The following CCND1 variants were observed in gnomAD, a reference collection of about 807,000 sequenced individuals.
The protein encoded by CCND1 is G1/S-specific cyclin-D1.
Under a neutral mutation model 26.1 loss-of-function variants are expected in CCND1, and 9 were observed. The ratio of observed to expected loss-of-function variants is 0.35; its 90% CI spans 0.21 to 0.60. The LOEUF (loss-of-function observed/expected upper bound fraction) is 0.60, where lower values mean the gene tolerates loss of function less well. Ranked by LOEUF, CCND1 falls within the 20% of genes least tolerant of loss-of-function variation. CCND1 has a pLI of 0.79. For synonymous variants in CCND1, 194 were observed against 166.1 expected, an observed-to-expected ratio of 1.17 and a Z score of -1.29; for missense variants, 335 against 392.9, an observed-to-expected ratio of 0.85 and a Z score of 1.25.
chr11:69,641,765 A>T (rs867270357), intron 1 of CCND1, among the ~76,000 whole-genome samples: 8 of 151,538 alleles, frequency 5.3e-5, no homozygotes, highest in Admixed American at 1.3e-4. Flanking sequence ...CTTCGGGAGA[A>T]GCCAGTGCCA....
Position 69,643,229 on chromosome 11 carries a change from C to G in CCND1, c.397C>G (p.Arg133Gly). ...KLCIYTDNSI[R>G]PEELLQMELL... ...GTGCATCTACACCGACAACTCCATC[C>G]GGCCCGAGGAGCTGCTGGTAACCAC... is the stretch of plus-strand genomic sequence containing the variant. Residue 133 changes from arginine to glycine, a missense_variant, in exon 2 of 5, where the codon CGG (arginine) becomes GGG (glycine). Coordinates refer to ENST00000227507, the MANE Select transcript of CCND1 (RefSeq NM_053056.3). The G allele has an allele frequency of 6.3e-7, 1 of 1,587,962 alleles. No individual in the cohort carries two copies. Among genetic ancestry groups the G allele is most frequent in the Non-Finnish European group, 8.6e-7 (1 of 1,168,146 alleles).
rs1855856810 is a variant in CCND1 at position 69,651,611 on chromosome 11, T to G, written c.*329T>G. Reference sequence around the variant, plus strand: ...AATAATCAACTCGTTTTTATATTAATGTACTTGTTTCTCTGTTGTAAGAAT... The same window carrying G: ...AATAATCAACTCGTTTTTATATTAAGGTACTTGTTTCTCTGTTGTAAGAAT... On this transcript the variant is annotated 3_prime_UTR_variant, in exon 5 of 5. Coordinates refer to ENST00000227507, the MANE Select transcript of CCND1 (RefSeq NM_053056.3). 3.6e-6 allele frequency: 1 copy of G among 274,438 alleles called. No individual in the cohort carries two copies. Among genetic ancestry groups the G allele is most frequent in the Non-Finnish European group, 6.8e-6 (1 of 146,904 alleles). The allele number at this position is 274,438 out of a possible 1,614,324, so 17.0% of individuals were successfully genotyped here.
intron 4 of CCND1, among the ~76,000 whole-genome samples, chr11:69,650,262 C>T (rs1565073481): frequency 6.6e-6 from 1 of 152,226 alleles, no homozygotes; most frequent in Admixed American, 6.5e-5. Flanking sequence ...ACACATGGAG[C>T]CGGTTCTCCA....
chr11:69,642,110 G>T (rs1352882501), intron 1 of CCND1, among the ~76,000 whole-genome samples: 2 of 152,096 alleles, frequency 1.3e-5, no homozygotes, highest in Non-Finnish European at 2.9e-5. Context: ...GCAGGGACGC[G>T]GCATGGGTAG....
intron 3 of CCND1, among the ~76,000 whole-genome samples, chr11:69,645,603 G>T (rs1211152556): frequency 6.6e-6 from 1 of 152,210 alleles, no homozygotes; most frequent in East Asian, 1.9e-4. Context: ...AAGTGCTCCG[G>T]GTCCTGACCC....
intron 4 of CCND1, among the ~76,000 whole-genome samples, chr11:69,650,014 G>A (rs559432129): frequency 3.9e-5 from 6 of 152,188 alleles, no homozygotes; most frequent in Non-Finnish European, 5.9e-5. Context: ...AGGTACAGGC[G>A]CTAAAATGTC....
intron 3 of CCND1, among the ~76,000 whole-genome samples, chr11:69,644,548 G>A (rs898504785): frequency 2.0e-5 from 3 of 152,198 alleles, no homozygotes; most frequent in Admixed American, 1.3e-4. Context: ...CAGGGGTGCC[G>A]GCAGCCAGCC....
At chr11:69,649,660 G>A (rs1420853551) in intron 4 of CCND1, among the ~76,000 whole-genome samples, 2 of 152,222 alleles carry the variant, frequency 1.3e-5, no homozygotes, top group African/African-American at 4.8e-5. Flanking sequence ...GGCTGTGGGA[G>A]AACAGCTTTG....
Position 69,642,815 on chromosome 11 carries a change from G to C in CCND1, c.199-216G>C, listed in dbSNP as rs577666782. On this transcript the variant is annotated intron_variant, in intron 1 of 4. Coordinates refer to ENST00000227507, the MANE Select transcript of CCND1 (RefSeq NM_053056.3). Reference sequence around the variant, plus strand: ...GCCCGCTCCCGCCCCCACCGTGCCAGCCTCGCGGGGACTTTCCCTTTCAGT... The same window carrying C: ...GCCCGCTCCCGCCCCCACCGTGCCACCCTCGCGGGGACTTTCCCTTTCAGT... Among the ~76,000 whole-genome samples, 403 of 150,982 alleles carry C rather than the reference G, an allele frequency of 2.7e-3. 2 individuals carry two copies. The highest frequency in any genetic ancestry group is 9.3e-3 in the African/African-American group (384 of 41,358).
At chr11:69,643,450 CT>C (rs1855737029) in intron 2 of CCND1, 2 of 482,406 alleles carry the variant, frequency 4.1e-6, no homozygotes, top group African/African-American at 4.1e-5. Context: ...GTGCGCTTGC[CT>C]GCGACTCCCA....
At chr11:69,649,722 G>T (rs1005234088) in intron 4 of CCND1, among the ~76,000 whole-genome samples, 2 of 152,178 alleles carry the variant, frequency 1.3e-5, no homozygotes, top group African/African-American at 2.4e-5. Context: ...ATGAAGGAAG[G>T]TCCTGGAGTC....
Position 69,648,096 on chromosome 11 carries a change from A to T in CCND1, c.677A>T (p.Tyr226Phe), listed in dbSNP as rs776600964. The change falls in exon 4 of 5, where the codon TAC (tyrosine) becomes TTC (phenylalanine). Residue 226 changes from tyrosine to phenylalanine, a missense_variant. Transcript: ENST00000227507. The part of the protein sequence containing the change: ...NLRSPNNFLS[Y>F]YRLTRFLSRV... ...AGGAGCCCCAACAACTTCCTGTCCT[A>T]CTACCGCCTCACACGCTTCCTCTCC... 2 of 1,613,852 alleles carry T rather than the reference A, an allele frequency of 1.2e-6. No homozygotes were observed. The highest frequency in any genetic ancestry group is 4.5e-5 in the East Asian group (2 of 44,878).
At chr11:69,646,523 C>G (rs967461828) in intron 3 of CCND1, among the ~76,000 whole-genome samples, 1 of 152,176 alleles carries the variant, frequency 6.6e-6, no homozygotes, top group Non-Finnish European at 1.5e-5. Flanking sequence ...TTCAGCTCCC[C>G]CGACCCCCCT....
Position 69,653,358 on chromosome 11 carries a change from A to C in CCND1, c.*2076A>C. 1.4e-6 allele frequency: 1 copy of C among 698,484 alleles called. No individual in the cohort carries two copies. The highest frequency in any genetic ancestry group is 2.6e-6 in the Non-Finnish European group (1 of 384,040). The allele number at this position is 698,484 out of a possible 1,614,324, so 43.3% of individuals were successfully genotyped here. A position where few individuals can be genotyped will look rare whatever the true frequency, so the allele number is the denominator to read the frequency against. On this transcript the variant is annotated 3_prime_UTR_variant, in exon 5 of 5. Transcript: ENST00000227507. ...AGTTTTTTGTTTTACAATGTCATAT[A>C]CTGCCATGTACTAGTTTTAGTTTTC...
At chr11:69,650,335 C>G (rs1404259250) in intron 4 of CCND1, among the ~76,000 whole-genome samples, 1 of 152,228 alleles carries the variant, frequency 6.6e-6, no homozygotes, top group Non-Finnish European at 1.5e-5. Flanking sequence ...CGTGGTGGAG[C>G]CTAGGAGAGG....
intron 4 of CCND1, among the ~76,000 whole-genome samples, chr11:69,648,907 T>C (rs1036301160): frequency 2.2e-4 from 34 of 152,096 alleles, no homozygotes; most frequent in African/African-American, 8.2e-4. Context: ...TCTCAGCAGA[T>C]GCTATCTAGG....
rs149202567 is a variant in CCND1, at chr11:69,648,230, G to C, written c.723+88G>C. 1.1e-3 allele frequency: 1,660 copies of C among 1,498,168 alleles called. 9 individuals are homozygous for C. The African/African-American group carries it at 0.018, about 16-fold the overall frequency. The allele number at this position is 1,498,168 out of a possible 1,614,324, so 92.8% of individuals were successfully genotyped here. ...ACGGAAATGCCGAGGCTGGTGCCAAGGCCCCCAAGGGTGACAAGGTTGGGG... is the reference window on the plus strand; with the variant it reads ...ACGGAAATGCCGAGGCTGGTGCCAACGCCCCCAAGGGTGACAAGGTTGGGG... On this transcript the variant is annotated intron_variant, in intron 4 of 4. Coordinates refer to ENST00000227507, the MANE Select transcript of CCND1 (RefSeq NM_053056.3).
At chr11:69,643,728 C>A in intron 2 of CCND1, 104 bp from the exon 3 acceptor site, 1 of 1,114,674 alleles carries the variant, frequency 9.0e-7, no homozygotes, top group Non-Finnish European at 1.3e-6. Context: ...GGCCAGTGCT[C>A]TGAGCCGGAG....
At position 69,654,205 on chromosome 11, in the gene CCND1, G is replaced by C. The variant is rs1482991667; in HGVS notation, c.*2923G>C. 5.7e-6 allele frequency: 4 copies of C among 702,464 alleles called. No individual in the cohort carries two copies. The highest frequency in any genetic ancestry group is 5.4e-5 in the East Asian group (2 of 37,212). The allele number at this position is 702,464 out of a possible 1,614,324, so 43.5% of individuals were successfully genotyped here. ...TCTGTCTGAACCACGCGGGGGCCTTGAGGGACGCTTTGTCTGTCGTGATGG... is the reference window on the plus strand; with the variant it reads ...TCTGTCTGAACCACGCGGGGGCCTTCAGGGACGCTTTGTCTGTCGTGATGG... On this transcript the variant is annotated 3_prime_UTR_variant, in exon 5 of 5. Transcript: ENST00000227507. The surrounding 1 kb of genome is among the most constrained non-coding windows in gnomAD (Gnocchi z 6.3).
Sources: gnomAD v4.1 joint callset for allele counts (sites outside exome capture counted in the v4.1 genomes callset) on GRCh38, gnomAD v4.1.1 for gene constraint, Gnocchi (gnomAD v3.1) non-coding constraint, MANE v1.5 for transcripts, NCBI Gene and HGNC (gene_info 2026-07-23, HGNC 2026-07-21) for gene names.